The following ST6GALNAC3 variants were observed in gnomAD, a reference collection of about 807,000 sequenced individuals.
ST6GALNAC3 encodes the protein alpha-N-acetylgalactosaminide alpha-2,6-sialyltransferase 3.
ST6GALNAC3 carries 25 observed loss-of-function variants against 32.7 expected under a neutral mutation model. That is an observed-to-expected ratio of 0.76 (90% CI 0.56 to 1.07). The LOEUF is 1.07. Ranked by LOEUF, ST6GALNAC3 falls within the 50% of genes least tolerant of loss-of-function variation. The pLI is 0.00. For synonymous variants in ST6GALNAC3, 129 were observed against 133.1 expected (o/e 0.97, Z 0.21); for missense variants, 355 against 382.4 (o/e 0.93, Z 0.60).
Position 76,320,818 on chromosome 1 carries a change from C to T in ST6GALNAC3, c.213+6819C>T, listed in dbSNP as rs566650407. On this transcript the variant is annotated intron_variant, in intron 2 of 4. Transcript: ENST00000328299. ...TGGAAAATACATACATGTATGCATG[C>T]ATGCAGCATATACATGCATACATGT... is the stretch of plus-strand genomic sequence containing the variant. 8.5e-5 allele frequency among the ~76,000 whole-genome samples: 13 copies of T among 152,100 alleles called. No individual in the cohort carries two copies. The South Asian group carries it at 2.7e-3, about 32-fold the overall frequency.
intron 3 of ST6GALNAC3, among the ~76,000 whole-genome samples, chr1:76,538,658 C>A (rs2100266166): frequency 6.6e-6 from 1 of 152,278 alleles, no homozygotes; most frequent in South Asian, 2.1e-4. Flanking sequence ...AACTGATAAG[C>A]AATTTCAGCA....
intron 2 of ST6GALNAC3, among the ~76,000 whole-genome samples, chr1:76,389,195 TG>T (rs1457065847): frequency 5.9e-5 from 9 of 152,072 alleles, no homozygotes; most frequent in Admixed American, 2.6e-4. Flanking sequence ...TCCTGCATGA[TG>T]AAAAGGTATC....
intron 3 of ST6GALNAC3, among the ~76,000 whole-genome samples, chr1:76,446,351 T>G (rs529576116): frequency 2.6e-5 from 4 of 152,152 alleles, no homozygotes; most frequent in African/African-American, 7.2e-5. Context: ...TCACCCAGCA[T>G]GCAAAGTGTA....
At chr1:76,251,581 T>A (rs901677488) in intron 1 of ST6GALNAC3, among the ~76,000 whole-genome samples, 1 of 152,166 alleles carries the variant, frequency 6.6e-6, no homozygotes, top group African/African-American at 2.4e-5. Flanking sequence ...TTCTTTTGAC[T>A]GTTTGGTAAA....
chr1:76,093,697 T>C (rs1417463618), intron 1 of ST6GALNAC3, among the ~76,000 whole-genome samples: 4 of 152,212 alleles, frequency 2.6e-5, no homozygotes, highest in Non-Finnish European at 5.9e-5. Flanking sequence ...GAGACAACTC[T>C]AGACTCATCA....
At chr1:76,136,498 A>G (rs920849712) in intron 1 of ST6GALNAC3, among the ~76,000 whole-genome samples, 5 of 151,404 alleles carry the variant, frequency 3.3e-5, no homozygotes, top group African/African-American at 1.2e-4. Flanking sequence ...AGGTAATTCT[A>G]TCCTACTTGG....
intron 1 of ST6GALNAC3, among the ~76,000 whole-genome samples, chr1:76,170,541 T>G (rs895237898): frequency 6.6e-6 from 1 of 152,184 alleles, no homozygotes; most frequent in African/African-American, 2.4e-5. Context: ...CAAAATTCAT[T>G]ACTGGTTTAT....
chr1:76,232,229 T>C (rs1656400367), intron 1 of ST6GALNAC3, among the ~76,000 whole-genome samples: 1 of 152,240 alleles, frequency 6.6e-6, no homozygotes, highest in Non-Finnish European at 1.5e-5. Flanking sequence ...TCCCTATCTA[T>C]GACTGATGTA....
intron 3 of ST6GALNAC3, among the ~76,000 whole-genome samples, chr1:76,575,347 G>A (rs1646785083): frequency 6.6e-6 from 1 of 152,074 alleles, no homozygotes; most frequent in Admixed American, 6.6e-5. Context: ...TTGGTGGCCA[G>A]TCAAAAGAGA....
At chr1:76,353,854 T>A (rs1649211561) in intron 2 of ST6GALNAC3, 1 of 153,316 alleles carries the variant, frequency 6.5e-6, no homozygotes, top group African/African-American at 2.4e-5. Context: ...TAAACATGGA[T>A]CTGGCCCCCC....
chr1:76,365,734 G>T (rs1650313535), intron 2 of ST6GALNAC3, among the ~76,000 whole-genome samples: 1 of 152,100 alleles, frequency 6.6e-6, no homozygotes, highest in Non-Finnish European at 1.5e-5. Flanking sequence ...ATAATGACAA[G>T]CATGGCCTTT....
chr1:76,582,862 C>T (rs756720383), intron 3 of ST6GALNAC3, among the ~76,000 whole-genome samples: 3 of 152,102 alleles, frequency 2.0e-5, no homozygotes, highest in African/African-American at 4.8e-5. Flanking sequence ...CTATTTCTCT[C>T]ATCATGTGGT....
At chr1:76,141,671 A>G (rs1650331765) in intron 1 of ST6GALNAC3, among the ~76,000 whole-genome samples, 1 of 152,222 alleles carries the variant, frequency 6.6e-6, no homozygotes, top group African/African-American at 2.4e-5. Context: ...TTAAGCCAAG[A>G]TTTATAACAA....
intron 3 of ST6GALNAC3, among the ~76,000 whole-genome samples, chr1:76,477,493 C>T (rs916376172): frequency 7.2e-5 from 11 of 152,174 alleles, no homozygotes; most frequent in Non-Finnish European, 1.5e-4. Flanking sequence ...GCTTCCTTTG[C>T]TCCCATCACC....
At chr1:76,501,803 C>A (rs1661192969) in intron 3 of ST6GALNAC3, among the ~76,000 whole-genome samples, 1 of 152,160 alleles carries the variant, frequency 6.6e-6, no homozygotes. Flanking sequence ...TTAGAATCTC[C>A]AGCTAACAGT....
intron 1 of ST6GALNAC3, among the ~76,000 whole-genome samples, chr1:76,227,040 G>GT (rs1303582960): frequency 6.6e-6 from 1 of 152,186 alleles, no homozygotes; most frequent in East Asian, 1.9e-4. Context: ...TGTTGCTGCT[G>GT]TTTTTTCCAA....
At chr1:76,361,977 CA>C (rs386367380) in intron 2 of ST6GALNAC3, among the ~76,000 whole-genome samples, 2 of 63,212 alleles carry the variant, frequency 3.2e-5, no homozygotes, top group African/African-American at 7.4e-5. Context: ...GACTCTGTAT[CA>C]AAAAAAAAAA....
chr1:76,143,155 G>T (rs781380557), intron 1 of ST6GALNAC3, among the ~76,000 whole-genome samples: 1 of 152,146 alleles, frequency 6.6e-6, no homozygotes, highest in Non-Finnish European at 1.5e-5. Context: ...TGTACTTAAT[G>T]AAATGGATCT....
intron 3 of ST6GALNAC3, among the ~76,000 whole-genome samples, chr1:76,563,825 T>G (rs972576074): frequency 2.6e-5 from 4 of 152,188 alleles, no homozygotes; most frequent in Non-Finnish European, 4.4e-5. Flanking sequence ...ATGAGAGTGC[T>G]CAGTGTAGGT....
Sources: allele counts gnomAD v4.1 joint callset (sites outside exome capture counted in the v4.1 genomes callset), GRCh38; gene constraint gnomAD v4.1.1; transcripts MANE v1.5; gene names NCBI Gene and HGNC (gene_info 2026-07-23, HGNC 2026-07-21).